Variants in MALRD1 observed in about 807,000 individuals in gnomAD.
The protein encoded by MALRD1 is MAM and LDL-receptor class A domain-containing protein 1.
In MALRD1, 247 loss-of-function variants were observed where a neutral mutation model predicts 242.1. That is an observed-to-expected ratio of 1.02 (90% CI 0.92 to 1.13). The LOEUF is 1.13. MALRD1 is among the 50% of genes most tolerant of loss of function. MALRD1 has a pLI of 0.00. For missense variants in MALRD1, 2,989 were observed against 2,533.1 expected, an observed-to-expected ratio of 1.18 and a Z score of -3.86; for synonymous variants, 995 against 866.6, an observed-to-expected ratio of 1.15 and a Z score of -2.60.
intron 21 of MALRD1, among the ~76,000 whole-genome samples, chr10:19,308,811 G>C (rs1045356713): frequency 6.6e-6 from 1 of 151,526 alleles, no homozygotes; most frequent in Admixed American, 6.6e-5. Context: ...AAAAGAGCTT[G>C]CCTAATGTAA....
At chr10:19,236,494 T>C (rs1838322927) in intron 18 of MALRD1, among the ~76,000 whole-genome samples, 1 of 152,182 alleles carries the variant, frequency 6.6e-6, no homozygotes, top group African/African-American at 2.4e-5. Context: ...TAGGTTCCAA[T>C]ACAGCATTAG....
intron 31 of MALRD1, among the ~76,000 whole-genome samples, chr10:19,525,244 T>C (rs1250792036): frequency 6.6e-6 from 1 of 152,056 alleles, no homozygotes; most frequent in Non-Finnish European, 1.5e-5. Context: ...CAACTTTTTT[T>C]TTTTAACAGA....
intron 32 of MALRD1, among the ~76,000 whole-genome samples, chr10:19,543,707 C>T (rs973304398): frequency 6.6e-6 from 1 of 152,130 alleles, no homozygotes; most frequent in Non-Finnish European, 1.5e-5. Flanking sequence ...CATAGCCAAT[C>T]ACTAATCCAC....
intron 18 of MALRD1, among the ~76,000 whole-genome samples, chr10:19,225,798 CT>C (rs1837776565): frequency 6.6e-6 from 1 of 152,318 alleles, no homozygotes; most frequent in African/African-American, 2.4e-5. Flanking sequence ...ATGTGCAGTA[CT>C]TAACTACTTG....
intron 21 of MALRD1, among the ~76,000 whole-genome samples, chr10:19,291,810 G>T (rs958991808): frequency 5.4e-5 from 8 of 149,480 alleles, no homozygotes; most frequent in Non-Finnish European, 1.2e-4. Context: ...TGTGGGCCAG[G>T]TGCAGTGCTT....
chr10:19,366,021 C>G (rs933203646), intron 26 of MALRD1, among the ~76,000 whole-genome samples: 3 of 151,904 alleles, frequency 2.0e-5, no homozygotes, highest in Non-Finnish European at 4.4e-5. Flanking sequence ...TTTTTGGCAC[C>G]AGGGACCGGT....
intron 2 of MALRD1, among the ~76,000 whole-genome samples, chr10:19,077,625 T>G (rs1267959610): frequency 1.3e-5 from 2 of 151,926 alleles, no homozygotes; most frequent in African/African-American, 4.8e-5. Context: ...TCTGAAGTGC[T>G]TGTTTTTACA....
At position 19,567,581 on chromosome 10, in the gene MALRD1, G is replaced by A. The variant is rs200384748; in HGVS notation, c.5558G>A (p.Gly1853Asp). ...IGNKRTGWTY[G>D]SVPLSSNSPF... Reference sequence around the variant, plus strand: ...AATAAAAGAACGGGATGGACATATGGCTCTGTGCCTCTCTCCAGTAACAGT... The same window carrying A: ...AATAAAAGAACGGGATGGACATATGACTCTGTGCCTCTCTCCAGTAACAGT... The change falls in exon 33 of 40, where the codon GGC (glycine) becomes GAC (aspartate). Residue 1853 changes from glycine to aspartate, a missense_variant. Coordinates refer to ENST00000454679, the MANE Select transcript of MALRD1 (RefSeq NM_001142308.3). 1.0e-3 allele frequency: 1,546 copies of A among 1,550,496 alleles called. 4 individuals carry two copies. The highest frequency in any genetic ancestry group is 4.0e-3 in the Admixed American group (203 of 50,980).
chr10:19,545,703 T>C (rs1486712883), intron 32 of MALRD1, among the ~76,000 whole-genome samples: 2 of 152,196 alleles, frequency 1.3e-5, no homozygotes, highest in Middle Eastern at 3.2e-3. Context: ...GATTTTCAGC[T>C]GTAATTTGCT....
rs11010983 is a variant in MALRD1 at position 19,661,463 on chromosome 10, A to T, written c.6138-30819A>T. 3.1e-4 allele frequency among the ~76,000 whole-genome samples: 47 copies of T among 152,062 alleles called. 1 individual carries two copies. In the South Asian group the frequency reaches 9.1e-3, roughly 30 times the overall value. On this transcript the variant is annotated intron_variant, in intron 36 of 39. Transcript: ENST00000454679. The stretch of plus-strand genomic sequence containing the variant: ...TGGAATACTATGCAGCCATAAAAAA[A>T]GATGAGTTCATGTCCTTTGTAGGGA...
At chr10:19,388,990 G>A (rs7081685) in intron 27 of MALRD1, among the ~76,000 whole-genome samples, 132,798 of 152,122 alleles carry the variant, frequency 0.87, 58,204 homozygotes, top group African/African-American at 0.92. Flanking sequence ...ATGTCAATGT[G>A]CAAGAACAAA....
intron 29 of MALRD1, among the ~76,000 whole-genome samples, chr10:19,490,249 T>A (rs1241935973): frequency 6.6e-6 from 1 of 152,094 alleles, no homozygotes; most frequent in Admixed American, 6.5e-5. Context: ...CCATTTAAAA[T>A]GTTTGATTTT....
Position 19,068,628 on chromosome 10 carries a change from G to A in MALRD1, c.340+1769G>A, listed in dbSNP as rs1835051633. Among the ~76,000 whole-genome samples the A allele has an allele frequency of 3.9e-5, 6 of 152,218 alleles. No homozygotes were observed. In the South Asian group the frequency reaches 1.2e-3, roughly 32 times the overall value. ...TCATGCATCTCTTACAAATACAATT[G>A]AATGTTAACATGTAAGTAGTCTCTA... On this transcript the variant is annotated intron_variant, in intron 2 of 39. Coordinates refer to ENST00000454679, the MANE Select transcript of MALRD1 (RefSeq NM_001142308.3).
At chr10:19,710,285 T>C (rs1834047635) in intron 38 of MALRD1, 1 of 103,370 alleles carries the variant, frequency 9.7e-6, no homozygotes, top group African/African-American at 4.5e-5. Context: ...AGGATATCAC[T>C]CTTGCATTTT....
chr10:19,631,409 G>A (rs1839897658), intron 36 of MALRD1, among the ~76,000 whole-genome samples: 1 of 152,172 alleles, frequency 6.6e-6, no homozygotes, highest in South Asian at 2.1e-4. Context: ...TGGCATGTAA[G>A]TTGATCCCAT....
chr10:19,645,284 T>C (rs1840598665), intron 36 of MALRD1, among the ~76,000 whole-genome samples: 1 of 152,198 alleles, frequency 6.6e-6, no homozygotes, highest in Admixed American at 6.5e-5. Context: ...TTGGTGGGAC[T>C]GTCAACTAGT....
intron 33 of MALRD1, among the ~76,000 whole-genome samples, chr10:19,579,896 T>G (rs150753675): frequency 1.9e-4 from 29 of 152,322 alleles, no homozygotes; most frequent in Middle Eastern, 3.4e-3. Context: ...TGGGGAATGC[T>G]TTAGCTATTA....
intron 17 of MALRD1, among the ~76,000 whole-genome samples, chr10:19,207,840 T>G (rs1190666368): frequency 6.6e-6 from 1 of 152,078 alleles, no homozygotes; most frequent in Non-Finnish European, 1.5e-5. Context: ...TTGTAAGAGA[T>G]TAACAACTAC....
In MALRD1 at chr10:19,387,572, T is replaced by C. The variant is rs1003555863; in HGVS notation, c.4486T>C (p.Tyr1496His). The change falls in exon 27 of 40, where the codon TAT becomes CAT. Residue 1496 changes from tyrosine to histidine, a missense_variant. Coordinates refer to ENST00000454679, the MANE Select transcript of MALRD1 (RefSeq NM_001142308.3). ...TAGGGAATGTCATAATGGAAAATGCTATAGGCTGGAACAAAGCTGTAACTT... is the reference window on the plus strand; with the variant it reads ...TAGGGAATGTCATAATGGAAAATGCCATAGGCTGGAACAAAGCTGTAACTT... Reference protein sequence around the residue: ...GYRECHNGKCYRLEQSCNFVD... With the variant: ...GYRECHNGKCHRLEQSCNFVD... The C allele has an allele frequency of 3.2e-6, 5 of 1,550,348 alleles. No homozygotes were observed. The African/African-American group carries it at 6.8e-5, about 21-fold the overall frequency.
Sources: allele counts gnomAD v4.1 joint callset (sites outside exome capture counted in the v4.1 genomes callset), GRCh38; gene constraint gnomAD v4.1.1; transcripts MANE v1.5; gene names NCBI Gene and HGNC (gene_info 2026-07-23, HGNC 2026-07-21).